Variants in IL23R observed in about 807,000 individuals in gnomAD.
IL23R encodes the protein interleukin-23 receptor.
IL23R carries 34 observed loss-of-function variants against 56.9 expected under a neutral mutation model. The ratio of observed to expected loss-of-function variants is 0.60; its 90% CI spans 0.45 to 0.80. The LOEUF (loss-of-function observed/expected upper bound fraction) is 0.80, where lower values mean the gene tolerates loss of function less well. IL23R is among the 30% of genes least tolerant of loss of function. IL23R has a pLI of 0.00. For missense variants in IL23R, 635 were observed against 730.0 expected, an observed-to-expected ratio of 0.87 and a Z score of 1.50; for synonymous variants, 230 against 249.2, an observed-to-expected ratio of 0.92 and a Z score of 0.73.
At chr1:67,181,785 T>G (rs1647146878) in intron 3 of IL23R, among the ~76,000 whole-genome samples, 1 of 152,210 alleles carries the variant, frequency 6.6e-6, no homozygotes, top group Admixed American at 6.5e-5. Flanking sequence ...TGGTCTTTGA[T>G]GATGGTGATG....
intron 1 of IL23R, among the ~76,000 whole-genome samples, chr1:67,159,348 G>A (rs1307411774): frequency 6.6e-6 from 1 of 151,916 alleles, no homozygotes; most frequent in Non-Finnish European, 1.5e-5. Context: ...TCTCTCTCCT[G>A]CCACCATGTG....
intron 7 of IL23R, among the ~76,000 whole-genome samples, chr1:67,229,539 T>A (rs1180654265): frequency 2.0e-5 from 3 of 152,148 alleles, no homozygotes; most frequent in Non-Finnish European, 4.4e-5. Flanking sequence ...TTAATCTTCA[T>A]CCCCTCTCCC....
intron 6 of IL23R, among the ~76,000 whole-genome samples, chr1:67,217,445 C>T (rs754450972): frequency 7.9e-5 from 12 of 152,120 alleles, no homozygotes; most frequent in Non-Finnish European, 1.6e-4. Flanking sequence ...TCTGGCTGTA[C>T]TTTACGGTAT....
intron 9 of IL23R, among the ~76,000 whole-genome samples, chr1:67,247,954 T>C (rs1652349493): frequency 6.6e-6 from 1 of 152,236 alleles, no homozygotes; most frequent in South Asian, 2.1e-4. Context: ...CACTGTCTTC[T>C]GGCTTGTGGG....
Position 67,259,156 on chromosome 1 carries a change from A to C in IL23R, c.*28A>C. 1 of 1,611,470 alleles carries C rather than the reference A, an allele frequency of 6.2e-7. No individual in the cohort carries two copies. Among genetic ancestry groups the C allele is most frequent in the South Asian group, 1.1e-5 (1 of 90,732 alleles). ...CTGTGTGGTCAAAATCAATATGAGA[A>C]AGCTGCCTTGCAATCTGAACTTGGG... On this transcript the variant is annotated 3_prime_UTR_variant, in exon 11 of 11. Transcript: ENST00000347310.
At chr1:67,240,424 A>C in intron 9 of IL23R, 143 bp downstream of exon 9, 1 of 673,674 alleles carries the variant, frequency 1.5e-6, no homozygotes, top group Non-Finnish European at 2.7e-6. Flanking sequence ...AATGTTTAAT[A>C]AGTACTTACC....
At chr1:67,255,185 G>T (rs1194445755) in intron 9 of IL23R, among the ~76,000 whole-genome samples, 1 of 152,054 alleles carries the variant, frequency 6.6e-6, no homozygotes, top group Non-Finnish European at 1.5e-5. Flanking sequence ...TAAGTTTTTT[G>T]AACTTTCCCA....
At position 67,258,761 on chromosome 1, in the gene IL23R, C is replaced by T; in HGVS notation, c.1523C>T (p.Thr508Ile). 6.2e-7 allele frequency: 1 copy of T among 1,611,518 alleles called. No homozygotes were observed. The highest frequency in any genetic ancestry group is 8.5e-7 in the Non-Finnish European group (1 of 1,178,232). The change falls in exon 11 of 11, where the codon ACA becomes ATA. Residue 508 changes from threonine to isoleucine, a missense_variant. By Grantham distance (89) the Thr-to-Ile change is moderately conservative. Transcript: ENST00000347310. ...AATAATAATGAAATTACTTCCTTAA[C>T]ACTTAAACCACCAGTTGATTCCTTA... ...LSNNNEITSL[T>I]LKPPVDSLDS...
At chr1:67,203,563 T>C (rs779718858) in intron 5 of IL23R, among the ~76,000 whole-genome samples, 10 of 152,114 alleles carry the variant, frequency 6.6e-5, no homozygotes, top group Non-Finnish European at 1.2e-4. Flanking sequence ...CTTTTCATTA[T>C]CCCAGAATGT....
Position 67,192,358 on chromosome 1 carries a change from C to A in IL23R, c.492-8379C>A, listed in dbSNP as rs746440184. ...CTTATCTCAGACATGTAAGCATGGGCCTCTTCTCCTTCAGGCCTTTCTTGC... is the reference window on the plus strand; with the variant it reads ...CTTATCTCAGACATGTAAGCATGGGACTCTTCTCCTTCAGGCCTTTCTTGC... On this transcript the variant is annotated intron_variant, in intron 4 of 10. Transcript: ENST00000347310. 9.2e-5 allele frequency among the ~76,000 whole-genome samples: 14 copies of A among 151,860 alleles called. No individual in the cohort carries two copies. The South Asian group carries it at 1.9e-3, about 20-fold the overall frequency.
chr1:67,187,119 TTGGTAACTCTA>T (rs1287323659), intron 4 of IL23R, among the ~76,000 whole-genome samples: 1 of 152,222 alleles, frequency 6.6e-6, no homozygotes, highest in Non-Finnish European at 1.5e-5. Flanking sequence ...CCTGGGTCTC[TTGGTAACTCTA>T]TGTTTAATCT....
At chr1:67,240,030 C>G in intron 8 of IL23R, 149 bp from the exon 9 acceptor site, 1 of 671,094 alleles carries the variant, frequency 1.5e-6, no homozygotes, top group Non-Finnish European at 2.7e-6. Flanking sequence ...AAAACAGTCA[C>G]TCTGTGGCCT....
intron 4 of IL23R, among the ~76,000 whole-genome samples, chr1:67,189,363 A>G (rs1320204625): frequency 1.3e-5 from 2 of 152,198 alleles, no homozygotes; most frequent in African/African-American, 4.8e-5. Flanking sequence ...ATATAAGGTC[A>G]TATATATTTT....
chr1:67,254,100 G>T (rs78488866), intron 9 of IL23R, among the ~76,000 whole-genome samples: 3 of 151,736 alleles, frequency 2.0e-5, no homozygotes, highest in Non-Finnish European at 2.9e-5. Context: ...ACAGAGTCTC[G>T]CTCTATCATC....
At chr1:67,146,159 A>C (rs1646677253) in intron 1 of IL23R, among the ~76,000 whole-genome samples, 1 of 152,172 alleles carries the variant, frequency 6.6e-6, no homozygotes, top group Non-Finnish European at 1.5e-5. Context: ...AGTCAACATC[A>C]TGTAGGCCAA....
downstream of IL23R, among the ~76,000 whole-genome samples, chr1:67,264,183 A>G (rs1453786046): frequency 6.6e-6 from 1 of 152,236 alleles, no homozygotes; most frequent in Non-Finnish European, 1.5e-5. Flanking sequence ...TAATGACTGC[A>G]AAAAGGGCTT....
At chr1:67,262,071 T>G (rs1653218170), downstream of IL23R, among the ~76,000 whole-genome samples, 1 of 152,246 alleles carries the variant, frequency 6.6e-6, no homozygotes, top group South Asian at 2.1e-4. Context: ...AAATTCAAGC[T>G]GCTTTATCAC....
intron 10 of IL23R, among the ~76,000 whole-genome samples, chr1:67,256,695 A>G (rs969660419): frequency 2.6e-5 from 4 of 152,176 alleles, no homozygotes; most frequent in Non-Finnish European, 4.4e-5. Flanking sequence ...GGAGCTGCTC[A>G]GGAGAAGCAG....
intron 3 of IL23R, 99 bp downstream of exon 3, chr1:67,169,737 T>C (rs935420935): frequency 3.1e-5 from 36 of 1,167,294 alleles, no homozygotes; most frequent in Non-Finnish European, 4.2e-5. Flanking sequence ...AATAATATAG[T>C]TCAGTTTTTA....
Sources: allele counts gnomAD v4.1 joint callset (sites outside exome capture counted in the v4.1 genomes callset), GRCh38; gene constraint gnomAD v4.1.1; transcripts MANE v1.5; gene names NCBI Gene and HGNC (gene_info 2026-07-23, HGNC 2026-07-21).